PCDHA1: variants seen among roughly 807,000 people sequenced by gnomAD.
PCDHA1 encodes the protein protocadherin alpha 1.
Under a neutral mutation model 61.3 loss-of-function variants are expected in PCDHA1, and 42 were observed. The observed-to-expected ratio is 0.69, with a 90% CI of 0.54 to 0.89. The LOEUF (loss-of-function observed/expected upper bound fraction) is 0.89, where lower values mean the gene tolerates loss of function less well. PCDHA1 is among the 40% of genes least tolerant of loss of function. PCDHA1 has a pLI of 0.00. For synonymous variants in PCDHA1, 610 were observed against 553.8 expected (o/e 1.10, Z -1.43); for missense variants, 1,256 against 1,235.3 (o/e 1.02, Z -0.25).
intron 1 of PCDHA1, among the ~76,000 whole-genome samples, chr5:140,800,469 A>G (rs1762558709): frequency 2.0e-5 from 3 of 152,204 alleles, no homozygotes; most frequent in African/African-American, 7.2e-5. Context: ...GTATGTTTTA[A>G]TATATACAGC....
intron 1 of PCDHA1, chr5:140,809,651 T>G (rs1238154320): frequency 1.8e-5 from 27 of 1,495,556 alleles, no homozygotes; most frequent in Admixed American, 2.3e-5. Flanking sequence ...TTTCTAAGAG[T>G]CAAATTTCCC....
chr5:140,860,498 A>G (rs1440089357), intron 1 of PCDHA1: 3 of 152,224 alleles, frequency 2.0e-5, no homozygotes, highest in Non-Finnish European at 4.4e-5. Flanking sequence ...GGATGTCTAC[A>G]TACAAGATAA....
Position 140,786,389 on chromosome 5 carries a change from C to G in PCDHA1, c.99C>G (p.Tyr33Ter), listed in dbSNP as rs1482712676. The G allele has an allele frequency of 8.1e-6, 13 of 1,613,668 alleles. No homozygotes were observed. The highest frequency in any genetic ancestry group is 1.1e-5 in the Non-Finnish European group (13 of 1,180,040). The change falls in exon 1 of 4, where the codon TAC becomes TAG. Residue 33 changes from tyrosine to a stop codon, truncating the protein, a stop_gained. Coordinates refer to ENST00000504120, the MANE Select transcript of PCDHA1 (RefSeq NM_018900.4). LOFTEE classifies it high-confidence loss of function. ...AWEVGSGQLHYSIPEEAKHGT... is the reference protein window; with the variant it reads ...AWEVGSGQLH ...AGGTGGGGAGCGGCCAGCTCCACTA[C>G]TCGATCCCGGAGGAAGCCAAACACG...
Position 140,956,280 on chromosome 5 carries a change from G to A in PCDHA1, c.2395-22669G>A, listed in dbSNP as rs554735108. On this transcript the variant is annotated intron_variant, in intron 1 of 3. Coordinates refer to ENST00000504120, the MANE Select transcript of PCDHA1 (RefSeq NM_018900.4). ...GCCCATTCAGTGTGGTATTGGCTGT[G>A]GGTTTATCATATATATGGCTCTTAT... Among the ~76,000 whole-genome samples, 16 of 152,206 alleles carry A rather than the reference G, an allele frequency of 1.1e-4. No individual in the cohort carries two copies. In the South Asian group the frequency reaches 3.3e-3, roughly 32 times the overall value.
At chr5:140,906,063 A>T (rs572488248) in intron 1 of PCDHA1, among the ~76,000 whole-genome samples, 1 of 152,318 alleles carries the variant, frequency 6.6e-6, no homozygotes, top group South Asian at 2.1e-4. Flanking sequence ...CTGGCAGCTG[A>T]TTAGATCGCA....
At chr5:140,876,475 A>G (rs1385416022) in intron 1 of PCDHA1, 1 of 1,614,054 alleles carries the variant, frequency 6.2e-7, no homozygotes, top group Non-Finnish European at 8.5e-7. Context: ...AGGTCACAGC[A>G]TGGTCCTGGT....
At position 140,786,416 on chromosome 5, in the gene PCDHA1, C is replaced by T; in HGVS notation, c.126C>T (p.Gly42=). Reference sequence around the variant, plus strand: ...CGATCCCGGAGGAAGCCAAACACGGCACCTTCGTTGGCCGCGTTGCTCAGG... The same window carrying T: ...CGATCCCGGAGGAAGCCAAACACGGTACCTTCGTTGGCCGCGTTGCTCAGG... ...HYSIPEEAKH[G]TFVGRVAQDL... The change falls in exon 1 of 4, where the codon GGC becomes GGT. Residue 42 remains glycine (G), a synonymous_variant. Coordinates refer to ENST00000504120, the MANE Select transcript of PCDHA1 (RefSeq NM_018900.4). 1 of 1,613,456 alleles carries T rather than the reference C, an allele frequency of 6.2e-7. No homozygotes were observed.
intron 1 of PCDHA1, chr5:140,884,152 T>C (rs1279761986): frequency 1.9e-6 from 3 of 1,613,332 alleles, no homozygotes; most frequent in East Asian, 2.2e-5. Flanking sequence ...GGCTGTACAC[T>C]GGCGAGATCA....
At position 140,846,681 on chromosome 5, in the gene PCDHA1, C is replaced by T. The variant is rs1425082989; in HGVS notation, c.2394+57997C>T. Reference sequence around the variant, plus strand: ...GAGCCACCGCGCCCAGCCTAAAATGCTTTCTTAGCAAGTAGAGAAGATTGT... The same window carrying T: ...GAGCCACCGCGCCCAGCCTAAAATGTTTTCTTAGCAAGTAGAGAAGATTGT... On this transcript the variant is annotated intron_variant, in intron 1 of 3. Coordinates refer to ENST00000504120, the MANE Select transcript of PCDHA1 (RefSeq NM_018900.4). Among the ~76,000 whole-genome samples, 2 of 149,174 alleles carry T rather than the reference C, an allele frequency of 1.3e-5. 1 individual carries two copies. The highest frequency in any genetic ancestry group is 1.3e-4 in the Admixed American group (2 of 14,874).
intron 1 of PCDHA1, among the ~76,000 whole-genome samples, chr5:140,946,263 G>T (rs1168857420): frequency 6.6e-6 from 1 of 151,750 alleles, no homozygotes; most frequent in East Asian, 1.9e-4. Flanking sequence ...AGAAAAATGC[G>T]AATTAAAACC....
Position 140,822,373 on chromosome 5 carries a change from G to C in PCDHA1, c.2394+33689G>C, listed in dbSNP as rs782531661. On this transcript the variant is annotated intron_variant, in intron 1 of 3. Coordinates refer to ENST00000504120, the MANE Select transcript of PCDHA1 (RefSeq NM_018900.4). ...AGAGCTGGTTTTGAGGAAATCCTTA[G>C]ATAGAGAAGAAACACAAGAACACCG... 1 of 1,614,112 alleles carries C rather than the reference G, an allele frequency of 6.2e-7. No individual in the cohort carries two copies. The highest frequency in any genetic ancestry group is 1.7e-5 in the Admixed American group (1 of 60,034).
At chr5:140,806,153 A>G (rs1763692045) in intron 1 of PCDHA1, among the ~76,000 whole-genome samples, 1 of 152,224 alleles carries the variant, frequency 6.6e-6, no homozygotes, top group South Asian at 2.1e-4. Flanking sequence ...TTAAGTGGTT[A>G]TAAAATGGGG....
chr5:140,856,168 C>T lies in PCDHA1; in HGVS notation c.2394+67484C>T, dbSNP rs781959235. On this transcript the variant is annotated intron_variant, in intron 1 of 3. Transcript: ENST00000504120. ...ACTCAGTCTACGAGGAGGCCAGACA[C>T]GGCACCTTCGTGGGCCGCATCGCGC... 25 of 1,598,198 alleles carry T rather than the reference C, an allele frequency of 1.6e-5. 4 individuals carry two copies. The highest frequency in any genetic ancestry group is 2.1e-5 in the Non-Finnish European group (24 of 1,167,912).
intron 1 of PCDHA1, chr5:140,836,007 G>C: frequency 1.9e-6 from 3 of 1,613,296 alleles, no homozygotes; most frequent in Non-Finnish European, 2.5e-6. Context: ...CGATGCGGGC[G>C]TGCCGCCTCT....
intron 1 of PCDHA1, among the ~76,000 whole-genome samples, chr5:140,975,067 T>C (rs2096652705): frequency 6.6e-6 from 1 of 152,146 alleles, no homozygotes; most frequent in African/African-American, 2.4e-5. Flanking sequence ...TCGAGCTCAT[T>C]CAGATTGTTG....
At chr5:140,877,627 A>C (rs782765998) in intron 1 of PCDHA1, 1 of 1,613,614 alleles carries the variant, frequency 6.2e-7, no homozygotes, top group East Asian at 2.2e-5. Context: ...GCTGCTGTAC[A>C]CTGCGCTGCG....
At chr5:140,820,343 A>C (rs1190251005) in intron 1 of PCDHA1, among the ~76,000 whole-genome samples, 1 of 152,020 alleles carries the variant, frequency 6.6e-6, no homozygotes, top group Non-Finnish European at 1.5e-5. Context: ...TCCAGAAATC[A>C]AGTGAATTTC....
chr5:140,833,761 C>A (rs1284549843), intron 1 of PCDHA1, among the ~76,000 whole-genome samples: 5 of 151,960 alleles, frequency 3.3e-5, no homozygotes, highest in African/African-American at 7.3e-5. Context: ...AACACACACA[C>A]ACACACCGCT....
At chr5:140,856,459 A>G (rs566691333) in intron 1 of PCDHA1, 2 of 1,598,380 alleles carry the variant, frequency 1.3e-6, no homozygotes, top group South Asian at 2.2e-5. Flanking sequence ...TAACAGAACA[A>G]AAGCTCTCAA....
Sources: allele counts gnomAD v4.1 joint callset (sites outside exome capture counted in the v4.1 genomes callset), GRCh38; gene constraint gnomAD v4.1.1; transcripts MANE v1.5; gene names NCBI Gene and HGNC (gene_info 2026-07-23, HGNC 2026-07-21).